The following TGFBR3 variants were observed in gnomAD, a reference collection of about 807,000 sequenced individuals.
TGFBR3 encodes the protein transforming growth factor beta receptor type 3.
A neutral mutation model predicts 87.9 loss-of-function variants in TGFBR3; 46 were observed. That is an observed-to-expected ratio of 0.52 (90% CI 0.41 to 0.67). The LOEUF is 0.67. Ranked by LOEUF, TGFBR3 falls within the 30% of genes least tolerant of loss-of-function variation. The pLI is 0.00. For missense variants in TGFBR3, 866 were observed against 1,041.9 expected (o/e 0.83, Z 2.32); for synonymous variants, 381 against 391.6 (o/e 0.97, Z 0.32).
In TGFBR3 at chr1:91,680,835, CAAT is replaced by C; in HGVS notation, c.*2901_*2903del. 2.2e-6 allele frequency: 1 copy of C among 451,008 alleles called. No homozygotes were observed. The highest frequency in any genetic ancestry group is 1.6e-5 in the South Asian group (1 of 64,010). The allele number at this position is 451,008 out of a possible 1,614,324, so 27.9% of individuals were successfully genotyped here. ...AGAACACAAGCAGGAAATGGATTTA[CAAT>C]CTTATTACAAGGCAAAGAAAAAAAC... On this transcript the variant is annotated 3_prime_UTR_variant, in exon 17 of 17. Transcript: ENST00000212355.
At chr1:91,818,325 A>G (rs529246103) in intron 2 of TGFBR3, among the ~76,000 whole-genome samples, 2 of 122,400 alleles carry the variant, frequency 1.6e-5, no homozygotes, top group Non-Finnish European at 1.6e-5. Context: ...TTTTTTTAGG[A>G]AAGTTTAGGA....
intron 1 of TGFBR3, among the ~76,000 whole-genome samples, chr1:91,865,863 G>T (rs1461962766): frequency 4.1e-5 from 6 of 148,102 alleles, no homozygotes; most frequent in Non-Finnish European, 5.9e-5. Flanking sequence ...AGTGAGCTGA[G>T]ATCGCGCCAC....
rs1256904262 is a variant in TGFBR3, at chr1:91,683,817, T to C, written c.2478A>G (p.Pro826=). 6.2e-7 allele frequency: 1 copy of C among 1,608,322 alleles called. No individual in the cohort carries two copies. The highest frequency in any genetic ancestry group is 8.5e-7 in the Non-Finnish European group (1 of 1,177,870). The part of the protein sequence containing the change: ...AGRQQVPTSP[P]ASENSSAAHS... ...GGGCAGCACTGCTGTTTTCCGAGGC[T>C]GGCGGGGAGGTGGGGACTTGCTGCC... Residue 826 remains proline (P), a synonymous_variant, in exon 17 of 17, where the codon CCA becomes CCG. Coordinates refer to ENST00000212355, the MANE Select transcript of TGFBR3 (RefSeq NM_003243.5).
intron 2 of TGFBR3, among the ~76,000 whole-genome samples, chr1:91,798,755 A>C (rs1675485367): frequency 6.6e-6 from 1 of 152,102 alleles, no homozygotes; most frequent in South Asian, 2.1e-4. Flanking sequence ...TGCTCAAAAA[A>C]CGTTTGTTAA....
intron 3 of TGFBR3, among the ~76,000 whole-genome samples, chr1:91,783,587 A>G (rs1289248862): frequency 6.6e-6 from 1 of 151,882 alleles, no homozygotes; most frequent in Non-Finnish European, 1.5e-5. Flanking sequence ...AAATAAACAG[A>G]CTCTTCTGGC....
intron 2 of TGFBR3, among the ~76,000 whole-genome samples, chr1:91,814,650 C>T (rs1348030996): frequency 6.6e-6 from 1 of 151,906 alleles, no homozygotes; most frequent in Non-Finnish European, 1.5e-5. Flanking sequence ...CTTAATAAAC[C>T]CCTTCAAACA....
intron 3 of TGFBR3, among the ~76,000 whole-genome samples, chr1:91,762,753 C>A (rs1348215554): frequency 6.6e-6 from 1 of 152,242 alleles, no homozygotes; most frequent in Non-Finnish European, 1.5e-5. Context: ...CTAACCTGTT[C>A]TACAACATCT....
intron 2 of TGFBR3, among the ~76,000 whole-genome samples, chr1:91,856,267 C>G (rs193163727): frequency 6.6e-6 from 1 of 152,052 alleles, no homozygotes; most frequent in Non-Finnish European, 1.5e-5. Flanking sequence ...GGGGTTTCAC[C>G]GTGTTAGCCA....
Position 91,767,328 on chromosome 1 carries a change from G to A in TGFBR3, c.247-8578C>T, listed in dbSNP as rs1674218628. 2.2e-5 allele frequency among the ~76,000 whole-genome samples: 3 copies of A among 133,584 alleles called. 1 individual carries two copies. Among genetic ancestry groups the A allele is most frequent in the Admixed American group, 7.6e-5 (1 of 13,148 alleles). The allele number at this position is 133,584 out of a possible 152,430, so 87.6% of individuals were successfully genotyped here. ...AGTATATTAACCTGAAGCTGGTAAG[G>A]AATTCTTTAGGAGTACAGTGTTACC... On this transcript the variant is annotated intron_variant, in intron 3 of 16. Transcript: ENST00000212355.
chr1:91,878,708 C>T (rs764898184), intron 1 of TGFBR3, among the ~76,000 whole-genome samples: 22 of 152,266 alleles, frequency 1.4e-4, no homozygotes, highest in Admixed American at 3.9e-4. Flanking sequence ...AAGGACTAAT[C>T]AACTTAAATG....
intron 10 of TGFBR3, 85 bp downstream of exon 10, chr1:91,719,227 T>C: frequency 6.3e-7 from 1 of 1,595,146 alleles, no homozygotes; most frequent in Non-Finnish European, 8.6e-7. Flanking sequence ...CCTCTTCATC[T>C]TCAAAGAAAT....
rs1256623773 is a variant in TGFBR3 at position 91,695,925 on chromosome 1, T to C, written c.2330-146A>G. 5.5e-6 allele frequency: 4 copies of C among 730,714 alleles called. No individual in the cohort carries two copies. The African/African-American group carries it at 7.1e-5, about 13-fold the overall frequency. The allele number at this position is 730,714 out of a possible 1,614,324, so 45.3% of individuals were successfully genotyped here. On this transcript the variant is annotated intron_variant, in intron 15 of 16. Coordinates refer to ENST00000212355, the MANE Select transcript of TGFBR3 (RefSeq NM_003243.5). ...CAATGAAGATTCCAATAAAATACAC[T>C]GTATTTTGTAACTTGCAAATTTTTT...
intron 3 of TGFBR3, among the ~76,000 whole-genome samples, chr1:91,758,968 A>G (rs1222875369): frequency 6.6e-6 from 1 of 152,214 alleles, no homozygotes; most frequent in African/African-American, 2.4e-5. Flanking sequence ...ATATTAGTCA[A>G]CCACACTAAT....
intron 2 of TGFBR3, among the ~76,000 whole-genome samples, chr1:91,838,017 G>A (rs1677121553): frequency 6.6e-6 from 1 of 152,170 alleles, no homozygotes; most frequent in Non-Finnish European, 1.5e-5. Flanking sequence ...GGGGTTTAAA[G>A]AAACTTGGAG....
chr1:91,728,887 T>C (rs1021288155), intron 6 of TGFBR3, among the ~76,000 whole-genome samples: 3 of 152,174 alleles, frequency 2.0e-5, no homozygotes, highest in Non-Finnish European at 4.4e-5. Context: ...TTCTCCTTTT[T>C]CTTTAATTCC....
intron 14 of TGFBR3, among the ~76,000 whole-genome samples, chr1:91,702,170 C>A (rs1445385307): frequency 1.3e-5 from 2 of 152,166 alleles, no homozygotes; most frequent in Non-Finnish European, 2.9e-5. Flanking sequence ...AGCCCAAACA[C>A]TGATTGTACT....
intron 16 of TGFBR3, among the ~76,000 whole-genome samples, chr1:91,686,856 G>C (rs181813276): frequency 1.3e-5 from 2 of 152,176 alleles, no homozygotes; most frequent in African/African-American, 2.4e-5. Flanking sequence ...GGAGGACCTC[G>C]TGGCTAAGCA....
intron 1 of TGFBR3, among the ~76,000 whole-genome samples, chr1:91,873,699 C>A (rs988862687): frequency 6.6e-6 from 1 of 152,140 alleles, no homozygotes; most frequent in East Asian, 1.9e-4. Context: ...GTAATCCCAG[C>A]ACTTTGGGAG....
At chr1:91,807,705 T>G (rs938315502) in intron 2 of TGFBR3, among the ~76,000 whole-genome samples, 1 of 152,198 alleles carries the variant, frequency 6.6e-6, no homozygotes, top group Non-Finnish European at 1.5e-5. Context: ...TCTGAGGAAG[T>G]GGTGCTGTTA....
Sources: gnomAD v4.1 joint callset for allele counts (sites outside exome capture counted in the v4.1 genomes callset) on GRCh38, gnomAD v4.1.1 for gene constraint, MANE v1.5 for transcripts, NCBI Gene and HGNC (gene_info 2026-07-23, HGNC 2026-07-21) for gene names.